Variants in RIN2 observed in about 807,000 individuals in gnomAD.
The protein encoded by RIN2 is Ras and Rab interactor 2, also known as RAB5 interacting protein 2.
In RIN2, 36 loss-of-function variants were observed where a neutral mutation model predicts 78.0. The observed-to-expected ratio is 0.46, with a 90% CI of 0.35 to 0.61. The LOEUF is 0.61. Among genes scored for constraint, RIN2 ranks in the 20% least tolerant of loss-of-function variants. The pLI is 0.00. For missense variants in RIN2, 1,087 were observed against 1,159.7 expected (o/e 0.94, Z 0.91); for synonymous variants, 466 against 466.8 (o/e 1.00, Z 0.02).
chr20:19,970,123 T>C (rs9974022), intron 7 of RIN2, among the ~76,000 whole-genome samples: 33,848 of 152,060 alleles, frequency 0.22, 4,156 homozygotes, highest in African/African-American at 0.34. Flanking sequence ...GCATGAGGGG[T>C]CTTAGACTTG....
In RIN2 at chr20:19,823,417, A is replaced by T. The variant is rs1275556954; in HGVS notation, c.-37+23670A>T. ...TTTTTTTTTCTTTTTTTGTCAAATG[A>T]TCCTTTATTGAAATATTTTCCTTTG... On this transcript the variant is annotated intron_variant, in intron 2 of 12. Coordinates refer to ENST00000255006, the MANE Select transcript of RIN2 (RefSeq NM_018993.4). The T allele has an allele frequency of 2.0e-4, 137 of 691,008 alleles. 1 individual carries two copies. In the East Asian group the frequency reaches 3.4e-3, roughly 17 times the overall value. The allele number at this position is 691,008 out of a possible 1,614,324, so 42.8% of individuals were successfully genotyped here.
At chr20:19,942,246 G>C (rs1333472723) in intron 4 of RIN2, among the ~76,000 whole-genome samples, 1 of 152,128 alleles carries the variant, frequency 6.6e-6, no homozygotes, top group Non-Finnish European at 1.5e-5. Flanking sequence ...TAACGAAATG[G>C]GACATAATAG....
intron 7 of RIN2, among the ~76,000 whole-genome samples, chr20:19,966,733 C>G (rs1021022285): frequency 1.3e-5 from 2 of 152,152 alleles, no homozygotes; most frequent in Non-Finnish European, 2.9e-5. Context: ...GCGCTGCTCA[C>G]CAGCAGGAAG....
intron 1 of RIN2, among the ~76,000 whole-genome samples, chr20:19,774,679 C>T (rs1420132857): frequency 2.0e-5 from 3 of 152,176 alleles, no homozygotes; most frequent in South Asian, 2.1e-4. Flanking sequence ...GCAGGGTACC[C>T]GCTTTGTACT....
At chr20:19,957,710 G>T (rs2041598692) in intron 5 of RIN2, among the ~76,000 whole-genome samples, 1 of 152,138 alleles carries the variant, frequency 6.6e-6, no homozygotes, top group African/African-American at 2.4e-5. Context: ...TATCTCTAGT[G>T]CTATCCAATA....
rs76412829 is a variant in RIN2, at chr20:19,989,140, T to C, written c.1763-866T>C. On this transcript the variant is annotated intron_variant, in intron 9 of 12. Coordinates refer to ENST00000255006, the MANE Select transcript of RIN2 (RefSeq NM_018993.4). ...ATTAACACTGATGCCTTGTTAGCAC[T>C]ATTACCTTATCTGCAGGCTGTATTC... Among the ~76,000 whole-genome samples the C allele has an allele frequency of 3.2e-3, 488 of 152,314 alleles. 2 individuals are homozygous for C. The highest frequency in any genetic ancestry group is 0.011 in the African/African-American group (462 of 41,574).
chr20:19,782,264 A>G (rs1010768204), intron 1 of RIN2, among the ~76,000 whole-genome samples: 9 of 152,184 alleles, frequency 5.9e-5, no homozygotes, highest in Non-Finnish European at 1.0e-4. Context: ...CAGGCATGAG[A>G]TACGTATTTT....
intron 2 of RIN2, among the ~76,000 whole-genome samples, chr20:19,834,764 A>G (rs1398439078): frequency 6.6e-6 from 1 of 152,162 alleles, no homozygotes; most frequent in Non-Finnish European, 1.5e-5. Context: ...TTTAAGTTGT[A>G]TAATAAATAA....
chr20:19,935,466 C>T (rs1202026918), intron 4 of RIN2: 5 of 1,225,644 alleles, frequency 4.1e-6, no homozygotes, highest in Non-Finnish European at 4.1e-6. Context: ...TTGTCTGTGC[C>T]ATATCCACCT....
At chr20:19,796,937 T>G (rs962127195) in intron 1 of RIN2, among the ~76,000 whole-genome samples, 13 of 152,292 alleles carry the variant, frequency 8.5e-5, no homozygotes, top group African/African-American at 3.1e-4. Context: ...ATGTTTTTTG[T>G]TTTTTGTTTT....
intron 1 of RIN2, among the ~76,000 whole-genome samples, chr20:19,785,195 G>T (rs149073345): frequency 6.6e-6 from 1 of 152,136 alleles, no homozygotes; most frequent in East Asian, 1.9e-4. Flanking sequence ...GGCAGACAAC[G>T]TGCAAGCAAA....
rs1363735460 is a variant in RIN2 at position 20,000,903 on chromosome 20, C to G, written c.2655C>G (p.Phe885Leu). The G allele has an allele frequency of 6.2e-7, 1 of 1,613,130 alleles. No homozygotes were observed. Among genetic ancestry groups the G allele is most frequent in the East Asian group, 2.2e-5 (1 of 44,888 alleles). ...RIKNDPYGII[F>L]QNGEEDLTTS ...AGAACGATCCTTATGGCATCATTTTCCAGAACGGGGAAGAAGACCTCACCA... is the reference window on the plus strand; with the variant it reads ...AGAACGATCCTTATGGCATCATTTTGCAGAACGGGGAAGAAGACCTCACCA... Residue 885 changes from phenylalanine to leucine, a missense_variant, in exon 13 of 13, where the codon TTC becomes TTG. By Grantham distance (22) the Phe-to-Leu change is conservative. Coordinates refer to ENST00000255006, the MANE Select transcript of RIN2 (RefSeq NM_018993.4).
intron 3 of RIN2, among the ~76,000 whole-genome samples, chr20:19,906,724 T>G (rs897190239): frequency 2.1e-4 from 32 of 152,190 alleles, no homozygotes; most frequent in African/African-American, 7.7e-4. Context: ...AATTTTTTTG[T>G]TTAAGTCTCC....
intron 1 of RIN2, among the ~76,000 whole-genome samples, chr20:19,768,053 A>C (rs1169410491): frequency 6.6e-6 from 1 of 152,142 alleles, no homozygotes; most frequent in Non-Finnish European, 1.5e-5. Context: ...CAAGTGGAGG[A>C]CAACTTAGGA....
Position 19,975,430 on chromosome 20 carries a change from G to A in RIN2, c.1405G>A (p.Asp469Asn). Residue 469 changes from aspartate to asparagine, a missense_variant, in exon 9 of 13, where the codon GAC (aspartate) becomes AAC (asparagine). Asp to Asn is a conservative substitution (Grantham distance 23, BLOSUM62 1). This residue lies in a region of RIN2 where 706 missense variants were observed against 667.5 expected (regional missense o/e 1.06). Coordinates refer to ENST00000255006, the MANE Select transcript of RIN2 (RefSeq NM_018993.4). The surrounding 1 kb of genome is among the most constrained non-coding windows in gnomAD (Gnocchi z 4.9). Reference sequence around the variant, plus strand: ...CCTGGAGGACTACGAGGGGGAAAGTGACCAAGAGACCATGGCGCCCCCCAT... The same window carrying A: ...CCTGGAGGACTACGAGGGGGAAAGTAACCAAGAGACCATGGCGCCCCCCAT... ...SSLEDYEGESDQETMAPPIKS... is the reference protein window; with the variant it reads ...SSLEDYEGESNQETMAPPIKS... 1 of 1,614,086 alleles carries A rather than the reference G, an allele frequency of 6.2e-7. No homozygotes were observed. The highest frequency in any genetic ancestry group is 8.5e-7 in the Non-Finnish European group (1 of 1,179,912).
intron 2 of RIN2, among the ~76,000 whole-genome samples, chr20:19,832,409 C>T (rs1296333643): frequency 6.7e-6 from 1 of 150,066 alleles, no homozygotes; most frequent in East Asian, 2.0e-4. Flanking sequence ...CTCCCTCTTG[C>T]TCCCCACTGT....
chr20:19,926,295 A>G (rs2040217247), intron 3 of RIN2, among the ~76,000 whole-genome samples: 1 of 152,180 alleles, frequency 6.6e-6, no homozygotes, highest in African/African-American at 2.4e-5. Context: ...TTAAATATCA[A>G]AAATATAAAT....
chr20:19,776,237 G>A (rs1034933051), intron 1 of RIN2, among the ~76,000 whole-genome samples: 3 of 152,170 alleles, frequency 2.0e-5, no homozygotes, highest in African/African-American at 7.2e-5. Flanking sequence ...AGGCACAGCT[G>A]ACCAACATTA....
chr20:19,775,103 G>A (rs936550914), intron 1 of RIN2, among the ~76,000 whole-genome samples: 3 of 152,324 alleles, frequency 2.0e-5, no homozygotes, highest in South Asian at 4.1e-4. Flanking sequence ...AAAACCCAAG[G>A]AGGTGTTAAA....
Sources: allele counts gnomAD v4.1 joint callset (sites outside exome capture counted in the v4.1 genomes callset), GRCh38; gene constraint gnomAD v4.1.1; regional missense constraint gnomAD v4.1.1; non-coding constraint Gnocchi (gnomAD v3.1); transcripts MANE v1.5; gene names NCBI Gene and HGNC (gene_info 2026-07-23, HGNC 2026-07-21).